Variants in SPOCK1 observed in about 807,000 individuals in gnomAD.
The protein encoded by SPOCK1 is testican-1.
SPOCK1 carries 23 observed loss-of-function variants against 55.3 expected under a neutral mutation model. The observed-to-expected ratio is 0.42, with a 90% CI of 0.30 to 0.59. The LOEUF (loss-of-function observed/expected upper bound fraction) is 0.59. Among genes scored for constraint, SPOCK1 ranks in the 20% least tolerant of loss-of-function variants. The pLI, the probability that SPOCK1 is intolerant of heterozygous loss-of-function variation, is 0.22. For missense variants in SPOCK1, 499 were observed against 552.5 expected (o/e 0.90, Z 0.97); for synonymous variants, 226 against 221.0 (o/e 1.02, Z -0.20).
chr5:137,156,255 C>G (rs540065917), intron 3 of SPOCK1, among the ~76,000 whole-genome samples: 1 of 152,264 alleles, frequency 6.6e-6, no homozygotes, highest in Non-Finnish European at 1.5e-5. Flanking sequence ...TGAACGTGGT[C>G]TGCCCTGTGA....
intron 3 of SPOCK1, among the ~76,000 whole-genome samples, chr5:137,190,842 A>G (rs1345304007): frequency 6.6e-6 from 1 of 152,180 alleles, no homozygotes; most frequent in Non-Finnish European, 1.5e-5. Flanking sequence ...GACTGAGGTC[A>G]AGATGGAGCA....
intron 3 of SPOCK1, among the ~76,000 whole-genome samples, chr5:137,150,883 T>C (rs1754306386): frequency 6.6e-6 from 1 of 152,170 alleles, no homozygotes. Context: ...TATGGCAGCC[T>C]ATGGAACACA....
intron 5 of SPOCK1, among the ~76,000 whole-genome samples, chr5:137,089,749 A>G (rs1013454507): frequency 2.0e-5 from 3 of 152,200 alleles, no homozygotes; most frequent in African/African-American, 7.2e-5. Flanking sequence ...CCAAATCTAC[A>G]CTGATTTTGA....
At chr5:137,436,071 T>C (rs1187621180) in intron 2 of SPOCK1, among the ~76,000 whole-genome samples, 2 of 151,964 alleles carry the variant, frequency 1.3e-5, no homozygotes, top group African/African-American at 2.4e-5. Flanking sequence ...GCAGGGAAAA[T>C]TGCTTGAACC....
At chr5:136,979,500 G>GAGAC (rs1561569056) in intron 9 of SPOCK1, 31 bp from the exon 10 acceptor site, 74 of 1,512,254 alleles carry the variant, frequency 4.9e-5, no homozygotes, top group Non-Finnish European at 6.3e-5. Context: ...ACTTTAATCA[G>GAGAC]AGACATGCAG....
intron 3 of SPOCK1, among the ~76,000 whole-genome samples, chr5:137,200,300 C>T (rs1376574566): frequency 1.3e-5 from 2 of 152,324 alleles, no homozygotes; most frequent in East Asian, 1.9e-4. Context: ...CTAGTCTTTG[C>T]TCATTGGCAG....
intron 5 of SPOCK1, among the ~76,000 whole-genome samples, chr5:137,075,258 G>A (rs1752734827): frequency 6.6e-6 from 1 of 152,174 alleles, no homozygotes; most frequent in Non-Finnish European, 1.5e-5. Context: ...GCCCAGTGGT[G>A]CTAGGAGAAC....
intron 2 of SPOCK1, among the ~76,000 whole-genome samples, chr5:137,440,531 G>A (rs1262080060): frequency 6.6e-6 from 1 of 152,178 alleles, no homozygotes; most frequent in Non-Finnish European, 1.5e-5. Context: ...GCCACTTGCT[G>A]TTCACGATCT....
At chr5:137,381,402 G>C (rs114489894) in intron 2 of SPOCK1, among the ~76,000 whole-genome samples, 1,650 of 152,274 alleles carry the variant, frequency 0.011, 18 homozygotes, top group African/African-American at 0.038. Context: ...CTGTGTGGGG[G>C]CTTCAACTCT....
At chr5:137,160,662 T>C (rs1236023609) in intron 3 of SPOCK1, among the ~76,000 whole-genome samples, 1 of 101,556 alleles carries the variant, frequency 9.8e-6, no homozygotes, top group African/African-American at 4.9e-5. Flanking sequence ...TAATATACAA[T>C]ATATAATATA....
intron 4 of SPOCK1, among the ~76,000 whole-genome samples, chr5:137,131,100 T>C (rs576010975): frequency 1.3e-5 from 2 of 152,372 alleles, no homozygotes; most frequent in Non-Finnish European, 2.9e-5. Flanking sequence ...TGGTGGCTTA[T>C]ATCCATAAAG....
chr5:137,463,168 C>T (rs1753524833), intron 2 of SPOCK1, among the ~76,000 whole-genome samples: 2 of 152,170 alleles, frequency 1.3e-5, no homozygotes, highest in Non-Finnish European at 2.9e-5. Flanking sequence ...TGATGTGCTC[C>T]ACTACTGGGT....
intron 2 of SPOCK1, among the ~76,000 whole-genome samples, chr5:137,389,237 T>C (rs1751661461): frequency 6.6e-6 from 1 of 152,248 alleles, no homozygotes; most frequent in African/African-American, 2.4e-5. Context: ...AAGAGCTTTC[T>C]AGGCTTCCAA....
chr5:137,181,679 C>A (rs1246243394), intron 3 of SPOCK1, among the ~76,000 whole-genome samples: 3 of 152,236 alleles, frequency 2.0e-5, no homozygotes, highest in African/African-American at 7.2e-5. Flanking sequence ...GCGCTAGAAA[C>A]TTTGGAGCAT....
At chr5:137,090,627 T>C (rs779109859) in intron 5 of SPOCK1, among the ~76,000 whole-genome samples, 2 of 152,094 alleles carry the variant, frequency 1.3e-5, no homozygotes, top group Non-Finnish European at 2.9e-5. Flanking sequence ...CTGAAGTTAA[T>C]GGAAGGGCAG....
intron 4 of SPOCK1, among the ~76,000 whole-genome samples, chr5:137,131,989 A>AAAAAAAAAAAAAATAT (rs1391176339): frequency 2.8e-5 from 1 of 36,070 alleles, no homozygotes; most frequent in African/African-American, 1.9e-4. Context: ...AAAAAAAAAA[A>AAAAAAAAAAAAAATAT]ATATATATAT....
At chr5:137,356,054 A>G (rs1245593331) in intron 2 of SPOCK1, among the ~76,000 whole-genome samples, 1 of 152,144 alleles carries the variant, frequency 6.6e-6, no homozygotes, top group Non-Finnish European at 1.5e-5. Flanking sequence ...AGAATAACAG[A>G]TGCCTGAACA....
intron 2 of SPOCK1, among the ~76,000 whole-genome samples, chr5:137,379,432 C>A (rs570596138): frequency 1.3e-5 from 2 of 151,928 alleles, no homozygotes; most frequent in Non-Finnish European, 1.5e-5. Flanking sequence ...GGGTAATATG[C>A]GAATGCATTT....
chr5:137,107,173 C>T (rs1753386719), intron 5 of SPOCK1, among the ~76,000 whole-genome samples: 1 of 152,184 alleles, frequency 6.6e-6, no homozygotes, highest in East Asian at 1.9e-4. Context: ...AATTTGTCTA[C>T]CTTCCTTGTA....
Sources: allele counts gnomAD v4.1 joint callset (sites outside exome capture counted in the v4.1 genomes callset), GRCh38; gene constraint gnomAD v4.1.1; transcripts MANE v1.5; gene names NCBI Gene and HGNC (gene_info 2026-07-23, HGNC 2026-07-21).